The following GPATCH8 variants were observed in gnomAD, a reference collection of about 807,000 sequenced individuals.
The protein encoded by GPATCH8 is G patch domain-containing protein 8.
A neutral mutation model predicts 118.3 loss-of-function variants in GPATCH8; 18 were observed. The observed-to-expected ratio is 0.15, with a 90% CI of 0.11 to 0.23. The LOEUF (loss-of-function observed/expected upper bound fraction) is 0.23, where lower values mean the gene tolerates loss of function less well. Ranked by LOEUF, GPATCH8 falls within the 10% of genes least tolerant of loss-of-function variation. The pLI, the probability that GPATCH8 is intolerant of heterozygous loss-of-function variation, is 1.00. For missense variants in GPATCH8, 1,631 were observed against 1,873.8 expected (o/e 0.87, Z 2.39); for synonymous variants, 659 against 684.7 (o/e 0.96, Z 0.59).
chr17:44,429,807 T>C (rs1337233051), intron 5 of GPATCH8, among the ~76,000 whole-genome samples: 1 of 150,958 alleles, frequency 6.6e-6, no homozygotes, highest in Non-Finnish European at 1.5e-5. Flanking sequence ...AAGGCTGCAG[T>C]GAGCTGAGAT....
intron 2 of GPATCH8, among the ~76,000 whole-genome samples, chr17:44,471,470 C>T (rs1598585177): frequency 6.6e-6 from 1 of 152,114 alleles, no homozygotes; most frequent in Non-Finnish European, 1.5e-5. Context: ...GAGACCTCCA[C>T]GGTTACCAGC....
At chr17:44,491,033 C>G (rs954176201) in intron 1 of GPATCH8, among the ~76,000 whole-genome samples, 1 of 152,082 alleles carries the variant, frequency 6.6e-6, no homozygotes, top group Non-Finnish European at 1.5e-5. Flanking sequence ...TGTGATTAAA[C>G]TATGTAGAAA....
chr17:44,405,999 G>C lies in GPATCH8; in HGVS notation c.545C>G (p.Ser182Cys). The change falls in exon 7 of 8, where the codon TCC (serine) becomes TGC (cysteine). Residue 182 changes from serine (S) to cysteine (C), a missense_variant. Around this residue, in one of 8 missense-constraint regions of GPATCH8, gnomAD observed 81 missense variants for 227.6 expected, o/e 0.36. Coordinates refer to ENST00000591680, the MANE Select transcript of GPATCH8 (RefSeq NM_001002909.4). ...REFARNVSSR[S>C]RKDEKKQEKA... ...TTCCTGTTTTTTCTCATCCTTGCGG[G>C]ATCTTGAAGAGACATTTCGAGCAAA... 6.2e-7 allele frequency: 1 copy of C among 1,606,296 alleles called. No homozygotes were observed. The highest frequency in any genetic ancestry group is 2.2e-5 in the East Asian group (1 of 44,840).
At chr17:44,474,017 A>T (rs1364061587) in intron 2 of GPATCH8, among the ~76,000 whole-genome samples, 1 of 152,168 alleles carries the variant, frequency 6.6e-6, no homozygotes, top group Non-Finnish European at 1.5e-5. Context: ...AAAGATTAAG[A>T]TTCCCTTTTT....
At chr17:44,451,822 C>T (rs1397275019) in intron 3 of GPATCH8, among the ~76,000 whole-genome samples, 2 of 152,176 alleles carry the variant, frequency 1.3e-5, no homozygotes, top group African/African-American at 4.8e-5. Flanking sequence ...TGAATAACTA[C>T]TGTATATTTC....
At chr17:44,492,683 G>A (rs1969348825) in intron 1 of GPATCH8, among the ~76,000 whole-genome samples, 2 of 152,072 alleles carry the variant, frequency 1.3e-5, no homozygotes, top group Non-Finnish European at 2.9e-5. Context: ...CACCAGACCT[G>A]ACATGTAATA....
chr17:44,453,530 T>TGTGTGTGTGTGTGTGTGCGC (rs1052518435), intron 3 of GPATCH8, among the ~76,000 whole-genome samples: 16 of 150,452 alleles, frequency 1.1e-4, no homozygotes, highest in African/African-American at 3.9e-4. Context: ...TGTGTGTGTG[T>TGTGTGTGTGTGTGTGTGCGC]GCAGGCGCGC....
intron 2 of GPATCH8, among the ~76,000 whole-genome samples, chr17:44,468,379 T>C: frequency 4.0e-5 from 1 of 24,826 alleles, no homozygotes; most frequent in African/African-American, 9.6e-5. Flanking sequence ...GTTCCTTTTT[T>C]TTTTTTTTTT....
chr17:44,400,671 C>T lies in GPATCH8; in HGVS notation c.1406G>A (p.Ser469Asn). ...TCCTGGTTCTGAGGGCTCGGTCATG[C>T]TGGTTTCCTTCGGCTGCTCAGAGAC... is the stretch of plus-strand genomic sequence containing the variant. The part of the protein sequence containing the change: ...SEVSEQPKET[S>N]MTEPSEPGSK... Residue 469 changes from serine (S) to asparagine (N), a missense_variant, in exon 8 of 8, where the codon AGC (serine) becomes AAC (asparagine). Around this residue, in one of 8 missense-constraint regions of GPATCH8, gnomAD observed 405 missense variants for 462.7 expected, o/e 0.88. Coordinates refer to ENST00000591680, the MANE Select transcript of GPATCH8 (RefSeq NM_001002909.4). 1.2e-6 allele frequency: 2 copies of T among 1,611,982 alleles called. No individual in the cohort carries two copies. The highest frequency in any genetic ancestry group is 1.7e-6 in the Non-Finnish European group (2 of 1,178,654).
At chr17:44,485,554 A>AG (rs1024102021) in intron 1 of GPATCH8, among the ~76,000 whole-genome samples, 10 of 152,268 alleles carry the variant, frequency 6.6e-5, no homozygotes, top group African/African-American at 2.4e-4. Flanking sequence ...GGCCTCCCAA[A>AG]GTGCTGGGAT....
chr17:44,399,557 T>C lies in GPATCH8; in HGVS notation c.2520A>G (p.Glu840=). 1 of 1,614,220 alleles carries C rather than the reference T, an allele frequency of 6.2e-7. No individual in the cohort carries two copies. The highest frequency in any genetic ancestry group is 8.5e-7 in the Non-Finnish European group (1 of 1,180,014). ...QKSPSQYSEE[E]EEEDSGSEHS... is the part of the protein sequence containing the mutation. Reference sequence around the variant, plus strand: ...GCTCACTGCCTGAATCTTCCTCTTCTTCTTCCTCACTGTACTGGGATGGAG... The same window carrying C: ...GCTCACTGCCTGAATCTTCCTCTTCCTCTTCCTCACTGTACTGGGATGGAG... Residue 840 remains glutamate, a synonymous_variant, in exon 8 of 8, where the codon GAA becomes GAG. Coordinates refer to ENST00000591680, the MANE Select transcript of GPATCH8 (RefSeq NM_001002909.4).
chr17:44,440,268 A>C (rs1321345915), intron 3 of GPATCH8, among the ~76,000 whole-genome samples: 1 of 152,222 alleles, frequency 6.6e-6, no homozygotes, highest in Non-Finnish European at 1.5e-5. Flanking sequence ...TCAGGAAAAG[A>C]TCTACAGACA....
chr17:44,424,150 T>C (rs1213698270), intron 6 of GPATCH8, among the ~76,000 whole-genome samples, 199 bp downstream of exon 6: 2 of 152,186 alleles, frequency 1.3e-5, no homozygotes, highest in Non-Finnish European at 2.9e-5. Flanking sequence ...ATAGTGTATA[T>C]GTGGGAGTGT....
intron 5 of GPATCH8, among the ~76,000 whole-genome samples, chr17:44,432,102 A>G (rs1198424229): frequency 6.8e-6 from 1 of 147,120 alleles, no homozygotes; most frequent in Non-Finnish European, 1.5e-5. Flanking sequence ...ATCTTCAAGT[A>G]TGTTTACTGT....
chr17:44,467,194 T>C (rs1017455032), intron 2 of GPATCH8: 17 of 469,758 alleles, frequency 3.6e-5, no homozygotes, highest in Non-Finnish European at 6.6e-5. Context: ...TTGTCTTGTT[T>C]TCAATTCACT....
intron 2 of GPATCH8, among the ~76,000 whole-genome samples, chr17:44,472,116 T>C (rs563374639): frequency 6.6e-6 from 1 of 152,246 alleles, no homozygotes; most frequent in Admixed American, 6.5e-5. Flanking sequence ...TGCATATATT[T>C]ATCTTTCAGA....
Position 44,398,365 on chromosome 17 carries a change from T to C in GPATCH8, c.3712A>G (p.Thr1238Ala), listed in dbSNP as rs762946542. ...AHSDCYPGDP[T>A]ISHNYLPDPS... ...TCGGGGAGGTAGTTATGGGAGATGG[T>C]TGGGTCCCCAGGGTAGCAGTCAGAA... is the stretch of plus-strand genomic sequence containing the variant. The change falls in exon 8 of 8, where the codon ACC (threonine) becomes GCC (alanine). Residue 1238 changes from threonine to alanine, a missense_variant. Transcript: ENST00000591680. The C allele has an allele frequency of 3.1e-6, 5 of 1,614,002 alleles. No homozygotes were observed. Among genetic ancestry groups the C allele is most frequent in the South Asian group, 1.1e-5 (1 of 91,084 alleles).
chr17:44,431,058 A>C (rs2050292932), intron 5 of GPATCH8, among the ~76,000 whole-genome samples: 1 of 151,978 alleles, frequency 6.6e-6, no homozygotes, highest in African/African-American at 2.4e-5. Context: ...ATTTTATCTC[A>C]ACAACAATTT....
chr17:44,501,000 T>C (rs1438869811), intron 1 of GPATCH8, among the ~76,000 whole-genome samples: 1 of 152,258 alleles, frequency 6.6e-6, no homozygotes, highest in Non-Finnish European at 1.5e-5. Flanking sequence ...ACTTTATTTT[T>C]CAATGAATGT....
Sources: allele counts gnomAD v4.1 joint callset (sites outside exome capture counted in the v4.1 genomes callset), GRCh38; gene constraint gnomAD v4.1.1; regional missense constraint gnomAD v4.1.1; transcripts MANE v1.5; gene names NCBI Gene and HGNC (gene_info 2026-07-23, HGNC 2026-07-21).